The following FOXP2 variants were observed in gnomAD, a reference collection of about 807,000 sequenced individuals.
FOXP2 encodes forkhead box P2.
Under a neutral mutation model 115.8 loss-of-function variants are expected in FOXP2, and 12 were observed. That is an observed-to-expected ratio of 0.10 (90% CI 0.07 to 0.17). The LOEUF is 0.17. FOXP2 is among the 10% of genes least tolerant of loss of function. The pLI, the probability that FOXP2 is intolerant of heterozygous loss-of-function variation, is 1.00. For missense variants in FOXP2, 629 were observed against 843.5 expected (o/e 0.75, Z 3.15); for synonymous variants, 328 against 297.7 (o/e 1.10, Z -1.05).
intron 2 of FOXP2, among the ~76,000 whole-genome samples, chr7:114,322,429 CT>C (rs1033529398): frequency 1.3e-5 from 2 of 151,972 alleles, no homozygotes; most frequent in Non-Finnish European, 2.9e-5. Flanking sequence ...GGCAGGAGGA[CT>C]GCTTGAGGCC....
intron 1 of FOXP2, among the ~76,000 whole-genome samples, chr7:114,255,292 G>T (rs535428097): frequency 6.6e-6 from 1 of 152,266 alleles, no homozygotes; most frequent in Admixed American, 6.5e-5. Flanking sequence ...ACTCTGTGCT[G>T]GGAGAACCAC....
At chr7:114,496,419 A>G (rs955437284) in intron 2 of FOXP2, among the ~76,000 whole-genome samples, 2 of 152,192 alleles carry the variant, frequency 1.3e-5, no homozygotes, top group African/African-American at 4.8e-5. Flanking sequence ...GAAATACTCA[A>G]AGTAGAAACT....
intron 3 of FOXP2, among the ~76,000 whole-genome samples, chr7:114,589,714 C>T (rs1444860548): frequency 6.6e-6 from 1 of 152,160 alleles, no homozygotes; most frequent in Non-Finnish European, 1.5e-5. Flanking sequence ...TGCCCATTCT[C>T]AATGGTGGAT....
intron 1 of FOXP2, among the ~76,000 whole-genome samples, chr7:114,261,572 T>C (rs1795753893): frequency 6.6e-6 from 1 of 152,190 alleles, no homozygotes; most frequent in Non-Finnish European, 1.5e-5. Flanking sequence ...AAATCTTGCC[T>C]CTGCTACAGT....
intron 1 of FOXP2, among the ~76,000 whole-genome samples, chr7:114,270,607 A>G (rs1240527028): frequency 1.3e-5 from 2 of 152,148 alleles, no homozygotes; most frequent in African/African-American, 2.4e-5. Context: ...CCATCTGTGT[A>G]TCTTCTTTGT....
chr7:114,430,518 G>GA (rs1362579231), intron 2 of FOXP2, among the ~76,000 whole-genome samples: 1 of 151,724 alleles, frequency 6.6e-6, no homozygotes, highest in African/African-American at 2.4e-5. Flanking sequence ...GAAGGCACTG[G>GA]TAAATAGTGG....
At chr7:114,168,050 C>T (rs918592363) in intron 1 of FOXP2, among the ~76,000 whole-genome samples, 1 of 152,084 alleles carries the variant, frequency 6.6e-6, no homozygotes, top group Admixed American at 6.5e-5. Context: ...ATTGTGAGGC[C>T]TCCCCAGCCA....
chr7:114,108,872 A>G lies in FOXP2; in HGVS notation c.-247+21034A>G, dbSNP rs528152056. On this transcript the variant is annotated intron_variant, in intron 1 of 19. Transcript: ENST00000635638. Reference sequence around the variant, plus strand: ...TTGCTACATTTAATCTGCTAAATCTAGGTTACATAGAATGATGAACTATAT... The same window carrying G: ...TTGCTACATTTAATCTGCTAAATCTGGGTTACATAGAATGATGAACTATAT... Among the ~76,000 whole-genome samples the G allele has an allele frequency of 9.6e-4, 146 of 152,096 alleles. 1 individual carries two copies. Among genetic ancestry groups the G allele is most frequent in the Middle Eastern group, 3.4e-3 (1 of 294 alleles).
At chr7:114,395,735 G>C (rs1419262134) in intron 2 of FOXP2, among the ~76,000 whole-genome samples, 1 of 151,996 alleles carries the variant, frequency 6.6e-6, no homozygotes, top group Non-Finnish European at 1.5e-5. Flanking sequence ...TTGTCTTTCT[G>C]TGTCTGGCTT....
chr7:114,478,258 C>T (rs966182168), intron 2 of FOXP2, among the ~76,000 whole-genome samples: 2 of 151,616 alleles, frequency 1.3e-5, no homozygotes, highest in African/African-American at 2.4e-5. Flanking sequence ...TCTACAATAC[C>T]AATGTTTTGG....
chr7:114,121,474 T>C (rs1791564419), intron 1 of FOXP2, among the ~76,000 whole-genome samples: 1 of 152,152 alleles, frequency 6.6e-6, no homozygotes, highest in Admixed American at 6.6e-5. Flanking sequence ...CTGAGAAGTC[T>C]ATAGGAAATC....
At chr7:114,269,823 G>C (rs1795990253) in intron 1 of FOXP2, among the ~76,000 whole-genome samples, 1 of 152,016 alleles carries the variant, frequency 6.6e-6, no homozygotes, top group Non-Finnish European at 1.5e-5. Context: ...TTACAATTTT[G>C]TATCAAAGAT....
intron 1 of FOXP2, among the ~76,000 whole-genome samples, chr7:114,253,492 T>C (rs1183842651): frequency 6.6e-6 from 1 of 152,202 alleles, no homozygotes; most frequent in Non-Finnish European, 1.5e-5. Flanking sequence ...TGGGTGCATA[T>C]ATATTTAGGA....
intron 3 of FOXP2, among the ~76,000 whole-genome samples, chr7:114,570,088 G>A (rs1801215775): frequency 6.6e-6 from 1 of 151,790 alleles, no homozygotes; most frequent in Non-Finnish European, 1.5e-5. Context: ...AATGTCTAAT[G>A]CTACTTAGGT....
intron 10 of FOXP2, among the ~76,000 whole-genome samples, 169 bp from the exon 11 acceptor site, chr7:114,657,897 T>G (rs1806670930): frequency 6.6e-6 from 1 of 152,206 alleles, no homozygotes; most frequent in Non-Finnish European, 1.5e-5. Flanking sequence ...TAATTAGAGT[T>G]CTTATGATAC....
chr7:114,212,870 C>T (rs1213075320), intron 1 of FOXP2, among the ~76,000 whole-genome samples: 4 of 152,164 alleles, frequency 2.6e-5, no homozygotes, highest in Non-Finnish European at 5.9e-5. Context: ...AGTAAATGGG[C>T]TTTCTTGGTG....
At chr7:114,385,646 C>A (rs1455685294) in intron 2 of FOXP2, among the ~76,000 whole-genome samples, 1 of 152,152 alleles carries the variant, frequency 6.6e-6, no homozygotes, top group Non-Finnish European at 1.5e-5. Flanking sequence ...GGCGACCATG[C>A]TAATCATTTT....
At chr7:114,567,685 G>A (rs747345961) in intron 3 of FOXP2, among the ~76,000 whole-genome samples, 7 of 151,862 alleles carry the variant, frequency 4.6e-5, no homozygotes, top group Non-Finnish European at 7.4e-5. Flanking sequence ...GTTGCCTCCC[G>A]GAGATCCATT....
intron 3 of FOXP2, among the ~76,000 whole-genome samples, chr7:114,554,442 G>T (rs182290699): frequency 6.6e-6 from 1 of 152,020 alleles, no homozygotes; most frequent in Admixed American, 6.5e-5. Context: ...AATGAAACTT[G>T]GTTCTGCCTT....
Sources: gnomAD v4.1 joint callset for allele counts (sites outside exome capture counted in the v4.1 genomes callset) on GRCh38, gnomAD v4.1.1 for gene constraint, MANE v1.5 for transcripts, NCBI Gene and HGNC (gene_info 2026-07-23, HGNC 2026-07-21) for gene names.